The following REV1 variants were observed in gnomAD, a reference collection of about 807,000 sequenced individuals.
REV1 encodes translesion synthesis protein REV1.
A neutral mutation model predicts 137.4 loss-of-function variants in REV1; 42 were observed. The ratio of observed to expected loss-of-function variants is 0.31; its 90% CI spans 0.24 to 0.40. The LOEUF is 0.40. Among genes scored for constraint, REV1 ranks in the 10% least tolerant of loss-of-function variants. REV1 has a pLI of 1.00. For synonymous variants in REV1, 524 were observed against 519.2 expected (o/e 1.01, Z -0.12); for missense variants, 1,282 against 1,490.1 (o/e 0.86, Z 2.30).
chr2:99,424,703 G>T (rs1428532926), intron 9 of REV1: 6 of 1,244,104 alleles, frequency 4.8e-6, no homozygotes, highest in African/African-American at 1.6e-5. Context: ...CAAAGACAAA[G>T]AATATAAACA....
rs563091275 is a variant in REV1, at chr2:99,435,059, T to C, written c.1322-611A>G. On this transcript the variant is annotated intron_variant, in intron 7 of 22. Coordinates refer to ENST00000258428, the MANE Select transcript of REV1 (RefSeq NM_016316.4). ...AATATATATTTACTTAATGCATTAT[T>C]CTGAGGACCAAGAAATAAAATCAAC... Among the ~76,000 whole-genome samples the C allele has an allele frequency of 1.4e-4, 21 of 152,306 alleles. No individual in the cohort carries two copies. The East Asian group carries it at 3.9e-3, about 28-fold the overall frequency.
At chr2:99,482,005 G>A (rs902121212) in intron 1 of REV1, among the ~76,000 whole-genome samples, 7 of 152,172 alleles carry the variant, frequency 4.6e-5, no homozygotes, top group Non-Finnish European at 1.0e-4. Flanking sequence ...CTATTAACAG[G>A]GTGACTCCCA....
At chr2:99,477,132 T>A (rs1254927484) in intron 1 of REV1, among the ~76,000 whole-genome samples, 1 of 152,152 alleles carries the variant, frequency 6.6e-6, no homozygotes, top group East Asian at 1.9e-4. Context: ...TTCATTCTTC[T>A]TTCTTACTTT....
At position 99,403,709 on chromosome 2, in the gene REV1, G is replaced by A. The variant is rs1235464308; in HGVS notation, c.3152C>T (p.Ser1051Leu). The A allele has an allele frequency of 1.2e-6, 2 of 1,614,158 alleles. No homozygotes were observed. Among genetic ancestry groups the A allele is most frequent in the South Asian group, 1.1e-5 (1 of 91,080 alleles). ...RQGENSTHQQ[S>L]ASASVPKNPL... ...CCAAGGCTCACCAGATGCGCTGGCT[G>A]ACTGCTGGTGAGTGCTGTTCTCGCC... The change falls in exon 19 of 23, where the codon TCA (serine) becomes TTA (leucine). Residue 1051 changes from serine to leucine, a missense_variant. Ser to Leu is a moderately radical substitution (Grantham distance 145). Transcript: ENST00000258428.
intron 8 of REV1, 152 bp downstream of exon 8, chr2:99,434,180 A>C (rs1474704773): frequency 4.2e-6 from 2 of 475,396 alleles, no homozygotes; most frequent in Admixed American, 6.5e-5. Flanking sequence ...CCTCCAATTC[A>C]ACAAAACCTA....
chr2:99,412,653 A>C lies in REV1; in HGVS notation c.2172+78T>G. The C allele has an allele frequency of 8.3e-6, 9 of 1,087,796 alleles. No homozygotes were observed. In the South Asian group the frequency reaches 1.2e-4, roughly 14 times the overall value. The allele number at this position is 1,087,796 out of a possible 1,614,324, so 67.4% of individuals were successfully genotyped here. A position where few individuals can be genotyped will look rare whatever the true frequency, so the allele number is the denominator to read the frequency against. ...ACTTAATTTCAAGCATTGAGGGTCT[A>C]ATGGTTTAGTTGTAGAGGTAGGACT... is the stretch of plus-strand genomic sequence containing the variant. On this transcript the variant is annotated intron_variant, in intron 13 of 22. Coordinates refer to ENST00000258428, the MANE Select transcript of REV1 (RefSeq NM_016316.4).
At chr2:99,403,448 G>A (rs576058609) in intron 19 of REV1, 1 of 578,838 alleles carries the variant, frequency 1.7e-6, no homozygotes, top group East Asian at 2.9e-5. Flanking sequence ...GACATTTGTG[G>A]TAATGTCCTA....
chr2:99,471,738 A>C (rs1685432963), intron 1 of REV1, among the ~76,000 whole-genome samples: 1 of 152,000 alleles, frequency 6.6e-6, no homozygotes. Context: ...ACTAAGAAAT[A>C]AAAAAAGGAT....
At chr2:99,403,586 C>G in intron 19 of REV1, 109 bp downstream of exon 19, 1 of 1,379,592 alleles carries the variant, frequency 7.2e-7, no homozygotes, top group Non-Finnish European at 1.0e-6. Flanking sequence ...ATGAAGAGCT[C>G]TTAATGCAAC....
At chr2:99,450,383 T>C (rs10210257) in intron 3 of REV1, among the ~76,000 whole-genome samples, 24,720 of 152,156 alleles carry the variant, frequency 0.16, 2,526 homozygotes, top group African/African-American at 0.27. Flanking sequence ...ATCATCCTAA[T>C]GAATGCTCTA....
At chr2:99,424,341 T>C (rs566681280) in intron 9 of REV1, 61 bp from the exon 10 acceptor site, 1 of 1,533,288 alleles carries the variant, frequency 6.5e-7, no homozygotes, top group Admixed American at 1.8e-5. Flanking sequence ...CAAATATTTA[T>C]CAAATATGTT....
intron 1 of REV1, among the ~76,000 whole-genome samples, chr2:99,478,919 T>A (rs1006856048): frequency 1.3e-5 from 2 of 152,160 alleles, no homozygotes; most frequent in African/African-American, 2.4e-5. Flanking sequence ...AAAGGACAGT[T>A]CAGTGGTAAC....
chr2:99,459,699 C>G (rs1392233855), intron 3 of REV1, among the ~76,000 whole-genome samples: 1 of 152,050 alleles, frequency 6.6e-6, no homozygotes, highest in Non-Finnish European at 1.5e-5. Flanking sequence ...GAGGGAGACC[C>G]TATCTCAAAA....
chr2:99,440,780 C>G (rs916701075), intron 5 of REV1, among the ~76,000 whole-genome samples: 1 of 152,136 alleles, frequency 6.6e-6, no homozygotes, highest in Non-Finnish European at 1.5e-5. Flanking sequence ...AAGTGATGTA[C>G]GTCAGAAAGT....
At chr2:99,411,523 C>A (rs1677145986) in intron 13 of REV1, among the ~76,000 whole-genome samples, 1 of 151,112 alleles carries the variant, frequency 6.6e-6, no homozygotes. Context: ...TCTCCTTCCT[C>A]AGCCTCCCGA....
intron 1 of REV1, among the ~76,000 whole-genome samples, chr2:99,472,789 G>A (rs1050973219): frequency 1.3e-4 from 20 of 152,222 alleles, no homozygotes; most frequent in Non-Finnish European, 1.3e-4. Flanking sequence ...TAAAGTGCTA[G>A]CACGCATGCC....
intron 18 of REV1, 62 bp from the exon 19 acceptor site, chr2:99,403,877 CTT>C (rs1272600515): frequency 6.3e-7 from 1 of 1,578,824 alleles, no homozygotes; most frequent in African/African-American, 1.3e-5. Flanking sequence ...GCTGGTTTCT[CTT>C]TTTCACAAAA....
rs1680188838 is a variant in REV1 at position 99,432,028 on chromosome 2, A to G, written c.1439-2080T>C. The G allele has an allele frequency of 8.2e-6, 4 of 485,614 alleles. 1 individual carries two copies. The highest frequency in any genetic ancestry group is 1.1e-5 in the Non-Finnish European group (4 of 373,344). The allele number at this position is 485,614 out of a possible 1,614,324, so 30.1% of individuals were successfully genotyped here. A position where few individuals can be genotyped will look rare whatever the true frequency, so the allele number is the denominator to read the frequency against. ...TTTAGAATGAAAACTGAAGTTGTCG[A>G]TGGGATAGAAAACATCTGTATCCTG... On this transcript the variant is annotated intron_variant, in intron 8 of 22. Transcript: ENST00000258428.
chr2:99,459,509 C>T (rs948398200), intron 3 of REV1, among the ~76,000 whole-genome samples: 5 of 152,098 alleles, frequency 3.3e-5, no homozygotes, highest in Admixed American at 2.0e-4. Context: ...AGTTTCAGAT[C>T]AGCCTGGGAA....
Sources: allele counts gnomAD v4.1 joint callset (sites outside exome capture counted in the v4.1 genomes callset), GRCh38; gene constraint gnomAD v4.1.1; transcripts MANE v1.5; gene names NCBI Gene and HGNC (gene_info 2026-07-23, HGNC 2026-07-21).